Variants in SYN3 observed in about 807,000 individuals in gnomAD.
SYN3 encodes synapsin III, also known as synapsin-3.
SYN3 carries 35 observed loss-of-function variants against 65.8 expected under a neutral mutation model. The ratio of observed to expected loss-of-function variants is 0.53; its 90% CI spans 0.41 to 0.70. SYN3 has a LOEUF of 0.70. Among genes scored for constraint, SYN3 ranks in the 30% least tolerant of loss-of-function variants. The pLI, the probability that SYN3 is intolerant of heterozygous loss-of-function variation, is 0.00. For synonymous variants in SYN3, 270 were observed against 292.9 expected (o/e 0.92, Z 0.80); for missense variants, 680 against 749.0 (o/e 0.91, Z 1.08).
chr22:32,919,562 A>G (rs965380474), intron 4 of SYN3, among the ~76,000 whole-genome samples: 2 of 152,172 alleles, frequency 1.3e-5, no homozygotes, highest in African/African-American at 4.8e-5. Flanking sequence ...GAGTGCAGGA[A>G]CTGTGTTCTA....
chr22:32,925,703 A>G (rs549172143), intron 4 of SYN3, among the ~76,000 whole-genome samples: 1 of 152,254 alleles, frequency 6.6e-6, no homozygotes, highest in South Asian at 2.1e-4. Context: ...TTTGGCTGCC[A>G]CTAGAATCAC....
chr22:32,537,967 T>A (rs2058192891), intron 9 of SYN3, 69 bp downstream of exon 9: 8 of 1,457,328 alleles, frequency 5.5e-6, no homozygotes, highest in Non-Finnish European at 3.8e-6. Flanking sequence ...CTTCAGGGCC[T>A]TTTGTTGCAT....
chr22:32,628,273 G>C (rs1365159193), intron 6 of SYN3, among the ~76,000 whole-genome samples: 1 of 152,026 alleles, frequency 6.6e-6, no homozygotes, highest in Non-Finnish European at 1.5e-5. Flanking sequence ...CCTTGCTCTT[G>C]ATGTTAGTGT....
chr22:33,001,688 C>T (rs893499455), intron 2 of SYN3, among the ~76,000 whole-genome samples: 4 of 152,188 alleles, frequency 2.6e-5, no homozygotes, highest in African/African-American at 9.7e-5. Flanking sequence ...CCAGGCACAT[C>T]CCATGCACTG....
chr22:32,730,052 G>A (rs1471483939), intron 6 of SYN3, among the ~76,000 whole-genome samples: 1 of 152,136 alleles, frequency 6.6e-6, no homozygotes, highest in African/African-American at 2.4e-5. Context: ...TGAGGGCAAT[G>A]TGCAGACTCT....
In SYN3 at chr22:33,039,376, C is replaced by CTT. The variant is rs59092244; in HGVS notation, c.-163+18914_-163+18915dup. On this transcript the variant is annotated intron_variant, in intron 1 of 13. Transcript: ENST00000358763. ...CCTTAAGCTCTTTATTCAAATGTGA[C>CTT]TTTTTTTTTTTTTTTTTGAGACAGA... is the stretch of plus-strand genomic sequence containing the variant. Among the ~76,000 whole-genome samples the CTT allele has an allele frequency of 9.8e-4, 133 of 135,214 alleles. 1 individual carries two copies. Among genetic ancestry groups the CTT allele is most frequent in the South Asian group, 8.7e-3 (36 of 4,148 alleles). 88.7% of individuals were successfully genotyped at this position (135,214 alleles called of 152,430 possible).
At chr22:32,881,340 A>G (rs1470106312) in intron 4 of SYN3, among the ~76,000 whole-genome samples, 1 of 152,132 alleles carries the variant, frequency 6.6e-6, no homozygotes, top group African/African-American at 2.4e-5. Flanking sequence ...ATGTACTTAT[A>G]CCCAAGGCCT....
chr22:32,602,192 A>T (rs2059294331), intron 6 of SYN3, among the ~76,000 whole-genome samples: 2 of 152,088 alleles, frequency 1.3e-5, no homozygotes, highest in South Asian at 4.1e-4. Flanking sequence ...TTTTTGCTAC[A>T]GATGTTTTTA....
intron 4 of SYN3, among the ~76,000 whole-genome samples, chr22:32,911,034 T>C (rs1031727901): frequency 1.3e-5 from 2 of 152,192 alleles, no homozygotes; most frequent in South Asian, 2.1e-4. Flanking sequence ...TGCTTTGCTC[T>C]TGACCCAAGA....
chr22:32,534,019 C>T lies in SYN3; in HGVS notation c.993-124G>A, dbSNP rs868145720. ...GACAGTGACTCACACATCCAGACGG[C>T]GATGGAGAGAGACAGAGAAGCAGCA... On this transcript the variant is annotated intron_variant, in intron 9 of 13. Transcript: ENST00000358763. 34 of 619,748 alleles carry T rather than the reference C, an allele frequency of 5.5e-5. No individual in the cohort carries two copies. In the Middle Eastern group the frequency reaches 2.6e-3, roughly 47 times the overall value. The allele number at this position is 619,748 out of a possible 1,614,324, so 38.4% of individuals were successfully genotyped here. A position where few individuals can be genotyped will look rare whatever the true frequency, so the allele number is the denominator to read the frequency against.
chr22:32,669,471 T>G (rs2060332284), intron 6 of SYN3, among the ~76,000 whole-genome samples: 1 of 152,168 alleles, frequency 6.6e-6, no homozygotes, highest in South Asian at 2.1e-4. Context: ...GTTTCTCTAG[T>G]CTGGAGTCAT....
intron 7 of SYN3, among the ~76,000 whole-genome samples, chr22:32,544,957 G>A (rs189072275): frequency 6.6e-6 from 1 of 152,192 alleles, no homozygotes; most frequent in South Asian, 2.1e-4. Flanking sequence ...GATATGGGGG[G>A]CATGTGTCCA....
intron 4 of SYN3, among the ~76,000 whole-genome samples, chr22:32,918,943 G>A (rs1381686074): frequency 2.6e-5 from 4 of 152,170 alleles, no homozygotes; most frequent in Non-Finnish European, 1.5e-5. Context: ...CTACACAGGT[G>A]GCCTCTGTGC....
chr22:32,628,525 A>G (rs1197290321), intron 6 of SYN3, among the ~76,000 whole-genome samples: 1 of 152,140 alleles, frequency 6.6e-6, no homozygotes, highest in Non-Finnish European at 1.5e-5. Flanking sequence ...AGAGATTGGA[A>G]GAAGAGCTCT....
At chr22:33,058,017 G>C (rs1391155378) in intron 1 of SYN3, among the ~76,000 whole-genome samples, 2 of 152,078 alleles carry the variant, frequency 1.3e-5, no homozygotes, top group Admixed American at 1.3e-4. Context: ...GCGCGCCCCC[G>C]GCTCCCGGGC....
rs988333373 is a variant in SYN3 at position 32,509,949 on chromosome 22, A to G, written c.*3743T>C. ...TGGATATATGAGTATGGTTATAAAA[A>G]TCAGGATGCCTGGCCTGATTTGGAG... On this transcript the variant is annotated 3_prime_UTR_variant, in exon 14 of 14. Coordinates refer to ENST00000358763, the MANE Select transcript of SYN3 (RefSeq NM_003490.4). Among the ~76,000 whole-genome samples, 9 of 152,172 alleles carry G rather than the reference A, an allele frequency of 5.9e-5. No individual in the cohort carries two copies. Among genetic ancestry groups the G allele is most frequent in the African/African-American group, 2.2e-4 (9 of 41,444 alleles).
intron 2 of SYN3, among the ~76,000 whole-genome samples, chr22:33,003,434 T>C (rs1490090967): frequency 6.6e-6 from 1 of 152,194 alleles, no homozygotes; most frequent in Non-Finnish European, 1.5e-5. Flanking sequence ...ACCAAAATTC[T>C]GATGGTGATA....
chr22:32,622,204 A>C (rs942117438), intron 6 of SYN3, among the ~76,000 whole-genome samples: 3 of 151,834 alleles, frequency 2.0e-5, no homozygotes, highest in African/African-American at 7.3e-5. Flanking sequence ...CAAAGGCCCC[A>C]CCCACATTCA....
intron 4 of SYN3, among the ~76,000 whole-genome samples, chr22:32,920,337 TCTCC>T (rs1238957691): frequency 3.3e-5 from 5 of 152,164 alleles, no homozygotes; most frequent in Non-Finnish European, 5.9e-5. Flanking sequence ...CCTTTTTATC[TCTCC>T]CTTGTGGGGC....
Sources: allele counts gnomAD v4.1 joint callset (sites outside exome capture counted in the v4.1 genomes callset), GRCh38; gene constraint gnomAD v4.1.1; transcripts MANE v1.5; gene names NCBI Gene and HGNC (gene_info 2026-07-23, HGNC 2026-07-21).